SHROOM3: variants seen among roughly 807,000 people sequenced by gnomAD.
SHROOM3 encodes the protein shroom family member 3.
Under a neutral mutation model 138.6 loss-of-function variants are expected in SHROOM3, and 47 were observed. That is an observed-to-expected ratio of 0.34 (90% CI 0.27 to 0.43). The LOEUF is 0.43. Among genes scored for constraint, SHROOM3 ranks in the 20% least tolerant of loss-of-function variants. The probability of loss-of-function intolerance (pLI) is 1.00; values close to 1 mark genes in which losing one functional copy is unlikely to be tolerated. For synonymous variants in SHROOM3, 1,062 were observed against 1,063.3 expected (o/e 1.00, Z 0.02); for missense variants, 2,491 against 2,596.5 (o/e 0.96, Z 0.88).
intron 2 of SHROOM3, among the ~76,000 whole-genome samples, chr4:76,656,762 A>G (rs917466584): frequency 2.0e-5 from 3 of 152,268 alleles, no homozygotes; most frequent in African/African-American, 4.8e-5. Flanking sequence ...TACCAGCTGC[A>G]TAATGGAAAC....
chr4:76,720,121 T>G (rs1288511041), intron 3 of SHROOM3, among the ~76,000 whole-genome samples: 3 of 151,114 alleles, frequency 2.0e-5, no homozygotes, highest in African/African-American at 7.3e-5. Context: ...ATGAGGGAAT[T>G]ATGAAAAGCC....
intron 2 of SHROOM3, among the ~76,000 whole-genome samples, chr4:76,652,082 A>T (rs775578685): frequency 2.0e-5 from 3 of 152,186 alleles, no homozygotes; most frequent in Non-Finnish European, 2.9e-5. Flanking sequence ...TCTAGGATGA[A>T]TTAAGTGTTC....
intron 2 of SHROOM3, among the ~76,000 whole-genome samples, chr4:76,574,619 T>TA (rs1227478433): frequency 6.6e-6 from 1 of 152,072 alleles, no homozygotes; most frequent in Admixed American, 6.6e-5. Context: ...ATTTTGTGAT[T>TA]AAAAAAAGAA....
intron 2 of SHROOM3, chr4:76,587,405 G>A (rs1278027995): frequency 6.6e-6 from 1 of 152,018 alleles, no homozygotes; most frequent in African/African-American, 2.4e-5. Flanking sequence ...ATCTAAAGAG[G>A]TTCTGAGACT....
Position 76,721,443 on chromosome 4 carries a change from G to A in SHROOM3, c.456-9361G>A, listed in dbSNP as rs1720550556. Among the ~76,000 whole-genome samples, 4 of 152,374 alleles carry A rather than the reference G, an allele frequency of 2.6e-5. No individual in the cohort carries two copies. The South Asian group carries it at 6.2e-4, about 24-fold the overall frequency. On this transcript the variant is annotated intron_variant, in intron 3 of 10. Coordinates refer to ENST00000296043, the MANE Select transcript of SHROOM3 (RefSeq NM_020859.4). ...AAAAAGTGTCTACAAAAGGGGTCTG[G>A]TTAAACAAATATATGCATACGGTGG... is the stretch of plus-strand genomic sequence containing the variant.
At chr4:76,753,976 TTTG>T (rs1018537535) in intron 6 of SHROOM3, among the ~76,000 whole-genome samples, 2 of 152,212 alleles carry the variant, frequency 1.3e-5, no homozygotes, top group African/African-American at 4.8e-5. Flanking sequence ...AAATGTACTG[TTTG>T]TTTTTATAGC....
intron 1 of SHROOM3, among the ~76,000 whole-genome samples, chr4:76,449,310 A>G (rs546736478): frequency 6.6e-6 from 1 of 152,318 alleles, no homozygotes; most frequent in East Asian, 1.9e-4. Context: ...CTCAACTTAT[A>G]CTACAACATA....
intron 2 of SHROOM3, among the ~76,000 whole-genome samples, chr4:76,653,710 G>C (rs1736008394): frequency 6.6e-6 from 1 of 151,660 alleles, no homozygotes; most frequent in Non-Finnish European, 1.5e-5. Flanking sequence ...GGACTACAGG[G>C]CCATGCCACC....
At chr4:76,675,037 A>C (rs1718992620) in intron 2 of SHROOM3, among the ~76,000 whole-genome samples, 1 of 152,206 alleles carries the variant, frequency 6.6e-6, no homozygotes, top group South Asian at 2.1e-4. Context: ...AAAACGAGGG[A>C]TATAAATAAT....
At chr4:76,524,446 G>A (rs991656488) in intron 1 of SHROOM3, among the ~76,000 whole-genome samples, 1 of 152,238 alleles carries the variant, frequency 6.6e-6, no homozygotes, top group African/African-American at 2.4e-5. Flanking sequence ...GAGAAAGGAA[G>A]AGAGTGAGCC....
chr4:76,760,429 T>C (rs1455202282), intron 9 of SHROOM3, among the ~76,000 whole-genome samples: 1 of 152,214 alleles, frequency 6.6e-6, no homozygotes, highest in Non-Finnish European at 1.5e-5. Context: ...TGCTTGCAGC[T>C]CTCTATGCAG....
At chr4:76,516,594 T>C (rs111758386) in intron 1 of SHROOM3, among the ~76,000 whole-genome samples, 86 of 149,596 alleles carry the variant, frequency 5.7e-4, no homozygotes, top group African/African-American at 1.8e-3. Flanking sequence ...GAGCATGATT[T>C]AGAAAAAAAA....
At chr4:76,562,567 G>T (rs57302875) in intron 2 of SHROOM3, among the ~76,000 whole-genome samples, 20 of 152,046 alleles carry the variant, frequency 1.3e-4, no homozygotes, top group African/African-American at 2.7e-4. Flanking sequence ...TAATAAAAAG[G>T]GTTGTGCAAA....
chr4:76,492,214 G>T (rs937227976), intron 1 of SHROOM3, among the ~76,000 whole-genome samples: 2 of 152,150 alleles, frequency 1.3e-5, no homozygotes, highest in Non-Finnish European at 2.9e-5. Flanking sequence ...CTTTTCATTT[G>T]CTTCTTCCCA....
At chr4:76,644,219 G>A (rs1421222078) in intron 2 of SHROOM3, 2 of 150,550 alleles carry the variant, frequency 1.3e-5, no homozygotes, top group South Asian at 4.2e-4. Context: ...TTTCCAAAAG[G>A]TGATCATACT....
intron 1 of SHROOM3, among the ~76,000 whole-genome samples, chr4:76,525,393 T>C (rs1487307502): frequency 6.6e-6 from 1 of 152,196 alleles, no homozygotes; most frequent in Non-Finnish European, 1.5e-5. Flanking sequence ...TATCTCCACC[T>C]GGTCCCACCC....
chr4:76,472,733 C>T (rs1006630777), intron 1 of SHROOM3, among the ~76,000 whole-genome samples: 2 of 151,254 alleles, frequency 1.3e-5, no homozygotes, highest in East Asian at 1.9e-4. Context: ...CTCCCTCTGT[C>T]GCCCACGCTG....
chr4:76,470,995 T>G (rs77714970), intron 1 of SHROOM3, among the ~76,000 whole-genome samples: 111 of 151,536 alleles, frequency 7.3e-4, no homozygotes, highest in African/African-American at 2.4e-3. Flanking sequence ...AATTAGGGGG[T>G]GTGTGTGTGT....
chr4:76,692,373 A>T (rs753293193), intron 2 of SHROOM3, among the ~76,000 whole-genome samples: 58 of 152,222 alleles, frequency 3.8e-4, no homozygotes, highest in Non-Finnish European at 7.1e-4. Context: ...TGCCCTCAGG[A>T]ACTCGTCTTA....
Sources: allele counts gnomAD v4.1 joint callset (sites outside exome capture counted in the v4.1 genomes callset), GRCh38; gene constraint gnomAD v4.1.1; transcripts MANE v1.5; gene names NCBI Gene and HGNC (gene_info 2026-07-23, HGNC 2026-07-21).